CDH18: variants seen among roughly 807,000 people sequenced by gnomAD.
CDH18 encodes the protein cadherin 18, also known as cadherin-18.
CDH18 carries 31 observed loss-of-function variants against 67.9 expected under a neutral mutation model. The ratio of observed to expected loss-of-function variants is 0.46; its 90% CI spans 0.34 to 0.62. CDH18 has a LOEUF of 0.62. Among genes scored for constraint, CDH18 ranks in the 20% least tolerant of loss-of-function variants. The pLI, the probability that CDH18 is intolerant of heterozygous loss-of-function variation, is 0.01. For synonymous variants in CDH18, 362 were observed against 347.2 expected (o/e 1.04, Z -0.48); for missense variants, 890 against 975.5 (o/e 0.91, Z 1.17).
intron 1 of CDH18, among the ~76,000 whole-genome samples, chr5:20,275,779 A>C (rs886101437): frequency 2.6e-5 from 4 of 152,160 alleles, no homozygotes; most frequent in African/African-American, 9.6e-5. Flanking sequence ...CTTATCACTG[A>C]AACAGGCTCT....
chr5:20,548,394 A>G (rs1326626648), intron 1 of CDH18, among the ~76,000 whole-genome samples: 2 of 151,564 alleles, frequency 1.3e-5, no homozygotes, highest in Non-Finnish European at 2.9e-5. Flanking sequence ...ATACTTATTC[A>G]GGAAGTAAAT....
At chr5:20,419,460 C>CTTTTTTTTTTT (rs1469236559) in intron 1 of CDH18, among the ~76,000 whole-genome samples, 1 of 100,394 alleles carries the variant, frequency 1.0e-5, no homozygotes, top group African/African-American at 4.1e-5. Flanking sequence ...GTATGGGACT[C>CTTTTTTTTTTT]TGTTTTTTTT....
chr5:20,065,568 T>C (rs1742910707), intron 2 of CDH18, among the ~76,000 whole-genome samples: 1 of 152,026 alleles, frequency 6.6e-6, no homozygotes, highest in Non-Finnish European at 1.5e-5. Context: ...ATGCGTTTAA[T>C]ACACCTAACC....
chr5:20,276,788 C>A (rs145484962), intron 1 of CDH18, among the ~76,000 whole-genome samples: 2,212 of 152,230 alleles, frequency 0.015, 31 homozygotes, highest in South Asian at 0.029. Context: ...GAGCCCATTG[C>A]CCTGAACGGA....
chr5:20,492,148 A>C (rs1753630630), intron 1 of CDH18, among the ~76,000 whole-genome samples: 1 of 151,978 alleles, frequency 6.6e-6, no homozygotes, highest in Non-Finnish European at 1.5e-5. Flanking sequence ...TTGGGGTATA[A>C]TCTCATCAGT....
At chr5:19,518,424 G>T (rs896731089) in intron 10 of CDH18, among the ~76,000 whole-genome samples, 1 of 152,048 alleles carries the variant, frequency 6.6e-6, no homozygotes, top group African/African-American at 2.4e-5. Flanking sequence ...CATTGTTCCT[G>T]GTGTGTCTGT....
intron 5 of CDH18, among the ~76,000 whole-genome samples, chr5:19,682,760 G>A (rs1193159136): frequency 6.6e-6 from 1 of 151,990 alleles, no homozygotes; most frequent in Admixed American, 6.6e-5. Flanking sequence ...TGCCCAAAAA[G>A]CAAGGCATTG....
intron 1 of CDH18, among the ~76,000 whole-genome samples, chr5:20,565,564 G>C (rs1758454541): frequency 6.6e-6 from 1 of 151,926 alleles, no homozygotes; most frequent in Admixed American, 6.6e-5. Context: ...ACTACAAAAT[G>C]TTTAAATTGG....
intron 2 of CDH18, among the ~76,000 whole-genome samples, chr5:20,018,803 T>C (rs1194288536): frequency 7.0e-6 from 1 of 142,092 alleles, no homozygotes; most frequent in African/African-American, 2.7e-5. Flanking sequence ...GGCATTCTTT[T>C]TTTTTTTTTG....
chr5:20,538,747 T>C (rs78061468), intron 1 of CDH18, among the ~76,000 whole-genome samples: 5,223 of 152,178 alleles, frequency 0.034, 126 homozygotes, highest in Middle Eastern at 0.13. Context: ...ATCTTCTTGA[T>C]GGCCTTGGAA....
rs376291007 is a variant in CDH18 at position 20,002,006 on chromosome 5, G to A, written c.-517-9992C>T. Reference sequence around the variant, plus strand: ...CAGGCTGCCAATATTCATATATCAGGGTTGGCAGTTTTACACACAGTGTCC... The same window carrying A: ...CAGGCTGCCAATATTCATATATCAGAGTTGGCAGTTTTACACACAGTGTCC... On this transcript the variant is annotated intron_variant, in intron 2 of 14. Coordinates refer to the CDH18 transcript ENST00000507958. Among the ~76,000 whole-genome samples, 91 of 152,162 alleles carry A rather than the reference G, an allele frequency of 6.0e-4. No individual in the cohort carries two copies. The South Asian group carries it at 0.016, about 27-fold the overall frequency.
chr5:20,570,522 A>G (rs1472235508), intron 1 of CDH18, among the ~76,000 whole-genome samples: 5 of 152,208 alleles, frequency 3.3e-5, no homozygotes, highest in African/African-American at 1.2e-4. Flanking sequence ...ACATTAGTAT[A>G]TCTGGTAGAC....
At chr5:19,780,717 A>C (rs6896368) in intron 3 of CDH18, among the ~76,000 whole-genome samples, 6,125 of 152,060 alleles carry the variant, frequency 0.04, 336 homozygotes, top group African/African-American at 0.13. Flanking sequence ...CTAGAGACAA[A>C]ATGTATTTAT....
chr5:20,070,349 T>C (rs1743371941), intron 2 of CDH18, among the ~76,000 whole-genome samples: 1 of 152,216 alleles, frequency 6.6e-6, no homozygotes, highest in Admixed American at 6.5e-5. Context: ...ATATTTGTGC[T>C]AATAAAGGGT....
intron 3 of CDH18, among the ~76,000 whole-genome samples, chr5:19,775,400 A>G: frequency 6.6e-6 from 1 of 152,296 alleles, no homozygotes; most frequent in East Asian, 1.9e-4. Flanking sequence ...GCATAGAGGA[A>G]TCTGCTTCTG....
intron 2 of CDH18, chr5:19,886,285 C>G (rs1020188145): frequency 6.6e-6 from 1 of 151,996 alleles, no homozygotes; most frequent in Non-Finnish European, 1.5e-5. Flanking sequence ...GAAAATGCAC[C>G]CAGTACCTGA....
intron 1 of CDH18, among the ~76,000 whole-genome samples, chr5:20,569,391 G>A (rs12332098): frequency 5.3e-5 from 8 of 152,118 alleles, no homozygotes; most frequent in Non-Finnish European, 8.8e-5. Flanking sequence ...GGAAGGCCAC[G>A]GCGGGCGGAT....
intron 2 of CDH18, among the ~76,000 whole-genome samples, chr5:20,142,591 AAAAG>A (rs1246342750): frequency 2.0e-5 from 3 of 152,116 alleles, no homozygotes; most frequent in Non-Finnish European, 4.4e-5. Flanking sequence ...GAAAAAAAAA[AAAAG>A]AAAGAAAGAA....
At chr5:20,551,752 A>C (rs193074519) in intron 1 of CDH18, among the ~76,000 whole-genome samples, 158 of 152,294 alleles carry the variant, frequency 1.0e-3, no homozygotes, top group African/African-American at 3.7e-3. Flanking sequence ...AGAAATCATA[A>C]ATTTCTACTT....
Sources: allele counts gnomAD v4.1 joint callset (sites outside exome capture counted in the v4.1 genomes callset), GRCh38; gene constraint gnomAD v4.1.1; transcripts MANE v1.5; gene names NCBI Gene and HGNC (gene_info 2026-07-23, HGNC 2026-07-21).